The following ARHGAP6 variants were observed in gnomAD, a reference collection of about 807,000 sequenced individuals.
ARHGAP6 encodes the protein rho GTPase-activating protein 6.
In ARHGAP6, 16 loss-of-function variants were observed where a neutral mutation model predicts 55.7. The observed-to-expected ratio is 0.29, with a 90% CI of 0.19 to 0.44. The LOEUF is 0.44. Ranked by LOEUF, ARHGAP6 falls within the 20% of genes least tolerant of loss-of-function variation. The pLI is 1.00. For synonymous variants in ARHGAP6, 382 were observed against 360.9 expected (o/e 1.06, Z -0.66); for missense variants, 698 against 808.9 (o/e 0.86, Z 1.66).
chrX:11,600,875 T>C (rs2051961626), intron 1 of ARHGAP6, among the ~76,000 whole-genome samples: 1 of 112,145 alleles, frequency 8.9e-6, no homozygotes, highest in Admixed American at 9.5e-5. Flanking sequence ...GGTTCAGTTC[T>C]GCTGGGGACC....
chrX:11,435,388 T>G (rs1311925077), intron 1 of ARHGAP6, among the ~76,000 whole-genome samples: 1 of 112,320 alleles, frequency 8.9e-6, no homozygotes, highest in Non-Finnish European at 1.9e-5. Context: ...GATAATAAGA[T>G]TTCTTCTCCC....
At chrX:11,314,882 C>A (rs1478173598) in intron 1 of ARHGAP6, among the ~76,000 whole-genome samples, 7 of 111,618 alleles carry the variant, frequency 6.3e-5, no homozygotes, top group Non-Finnish European at 7.5e-5. Flanking sequence ...ACAACAAAAC[C>A]CCATGATACA....
chrX:11,198,825 G>T (rs1011437221), intron 2 of ARHGAP6, among the ~76,000 whole-genome samples: 4 of 111,973 alleles, frequency 3.6e-5, no homozygotes, highest in Admixed American at 2.8e-4. Flanking sequence ...ATATCTAATA[G>T]CCAAGTTAAG....
chrX:11,585,122 T>C, intron 1 of ARHGAP6, among the ~76,000 whole-genome samples: 1 of 112,592 alleles, frequency 8.9e-6, no homozygotes. Flanking sequence ...CCCTCTCTTT[T>C]ATGGCCACAT....
At position 11,664,664 on chromosome X, in the gene ARHGAP6, G is replaced by A; in HGVS notation, c.165C>T (p.Gly55=). The A allele has an allele frequency of 8.6e-7, 1 of 1,162,143 alleles. No homozygotes were observed. ...GCGSDEAGAE[G]SARGATAGRL... ...GGCCCGCCGTGGCTCCCCGCGCACT[G>A]CCCTCCGCGCCCGCCTCGTCGCTCC... Residue 55 remains glycine (G), a synonymous_variant, in exon 1 of 13, where the codon GGC becomes GGT. Coordinates refer to ENST00000337414, the MANE Select transcript of ARHGAP6 (RefSeq NM_013427.3).
At chrX:11,303,234 T>C (rs2048192895) in intron 1 of ARHGAP6, among the ~76,000 whole-genome samples, 2 of 112,830 alleles carry the variant, frequency 1.8e-5, no homozygotes, top group Admixed American at 9.4e-5. Flanking sequence ...ATTTTTGTGA[T>C]TTGGCTTTCA....
intron 1 of ARHGAP6, among the ~76,000 whole-genome samples, chrX:11,259,915 TGTGA>T (rs2047536744): frequency 9.0e-6 from 1 of 111,576 alleles, no homozygotes; most frequent in South Asian, 3.8e-4. Context: ...CCCAGGAACC[TGTGA>T]GTATGTTATT....
chrX:11,167,823 C>A (rs1052998393), intron 9 of ARHGAP6, among the ~76,000 whole-genome samples: 3 of 112,274 alleles, frequency 2.7e-5, no homozygotes, highest in African/African-American at 9.7e-5. Context: ...AAAGTTCAGA[C>A]ATTTGATTCA....
chrX:11,543,817 G>A (rs1010767753), intron 1 of ARHGAP6, among the ~76,000 whole-genome samples: 1 of 112,410 alleles, frequency 8.9e-6, no homozygotes, highest in Non-Finnish European at 1.9e-5. Context: ...GTGTATGTAT[G>A]TGTGTGTAGA....
chrX:11,660,723 T>C (rs1207328628), intron 1 of ARHGAP6, among the ~76,000 whole-genome samples: 1 of 110,123 alleles, frequency 9.1e-6, no homozygotes, highest in East Asian at 2.8e-4. Flanking sequence ...GTCTTCTTTT[T>C]TGGGAGCTGT....
At chrX:11,472,180 G>A (rs1489462340) in intron 1 of ARHGAP6, among the ~76,000 whole-genome samples, 2 of 111,204 alleles carry the variant, frequency 1.8e-5, no homozygotes, top group Non-Finnish European at 3.8e-5. Context: ...TGCATTGTAG[G>A]ATGTTAGCAG....
At chrX:11,210,044 C>T (rs1439507859) in intron 2 of ARHGAP6, among the ~76,000 whole-genome samples, 1 of 112,592 alleles carries the variant, frequency 8.9e-6, no homozygotes, top group Non-Finnish European at 1.9e-5. Flanking sequence ...GAGAGCTTGG[C>T]AATTAGCAAG....
At chrX:11,182,970 A>G (rs940914362) in intron 5 of ARHGAP6, among the ~76,000 whole-genome samples, 5 of 111,632 alleles carry the variant, frequency 4.5e-5, no homozygotes, top group African/African-American at 1.6e-4. Context: ...GTATTTTTAC[A>G]TAGTTGAGAT....
intron 1 of ARHGAP6, among the ~76,000 whole-genome samples, chrX:11,426,174 A>C (rs2049877273): frequency 9.0e-6 from 1 of 111,269 alleles, no homozygotes; most frequent in Non-Finnish European, 1.9e-5. Flanking sequence ...TATCTTAACA[A>C]TTTCCTAATT....
At chrX:11,323,866 C>CA (rs61462099) in intron 1 of ARHGAP6, among the ~76,000 whole-genome samples, 6,557 of 39,633 alleles carry the variant, frequency 0.17, 364 homozygotes, top group Non-Finnish European at 0.22. Context: ...ACCCCCATTT[C>CA]AAAAAAAAAA....
intron 1 of ARHGAP6, among the ~76,000 whole-genome samples, chrX:11,333,443 C>T (rs765762541): frequency 8.9e-6 from 1 of 111,937 alleles, no homozygotes; most frequent in African/African-American, 3.2e-5. Context: ...TTCCTGAGGC[C>T]TCCCCAACCA....
chrX:11,470,148 T>A (rs1340181623), intron 1 of ARHGAP6, among the ~76,000 whole-genome samples: 1 of 111,938 alleles, frequency 8.9e-6, no homozygotes, highest in East Asian at 2.8e-4. Flanking sequence ...AGATACAATG[T>A]TGTTGAACAT....
At chrX:11,470,268 T>C (rs760756947) in intron 1 of ARHGAP6, among the ~76,000 whole-genome samples, 6 of 112,171 alleles carry the variant, frequency 5.3e-5, no homozygotes, top group African/African-American at 1.9e-4. Flanking sequence ...ACAGGTCCTT[T>C]TGGTATTTCA....
intron 1 of ARHGAP6, among the ~76,000 whole-genome samples, chrX:11,468,411 T>G (rs1389498156): frequency 8.9e-6 from 1 of 112,188 alleles, no homozygotes; most frequent in African/African-American, 3.2e-5. Flanking sequence ...TTCTAAAGCC[T>G]TCTGCCTTCT....
Sources: gnomAD v4.1 joint callset for allele counts (sites outside exome capture counted in the v4.1 genomes callset) on GRCh38, gnomAD v4.1.1 for gene constraint, MANE v1.5 for transcripts, NCBI Gene and HGNC (gene_info 2026-07-23, HGNC 2026-07-21) for gene names.